ARRDC3: variants seen among roughly 807,000 people sequenced by gnomAD.
ARRDC3 encodes arrestin domain containing 3, also known as arrestin domain-containing protein 3.
In ARRDC3, 10 loss-of-function variants were observed where a neutral mutation model predicts 47.2. The ratio of observed to expected loss-of-function variants is 0.21; its 90% CI spans 0.13 to 0.36. The LOEUF (loss-of-function observed/expected upper bound fraction) is 0.36. ARRDC3 is among the 10% of genes least tolerant of loss of function. ARRDC3 has a pLI of 1.00. For synonymous variants in ARRDC3, 156 were observed against 178.3 expected, an observed-to-expected ratio of 0.87 and a Z score of 1.00; for missense variants, 381 against 503.6, an observed-to-expected ratio of 0.76 and a Z score of 2.33.
At position 91,370,811 on chromosome 5, in the gene ARRDC3, A is replaced by C. The variant is rs1373162880; in HGVS notation, c.*589T>G. 2 of 152,482 alleles carry C rather than the reference A, an allele frequency of 1.3e-5. No homozygotes were observed. The highest frequency in any genetic ancestry group is 2.9e-5 in the Non-Finnish European group (2 of 68,016). The allele number at this position is 152,482 out of a possible 1,614,324, so 9.4% of individuals were successfully genotyped here. A position where few individuals can be genotyped will look rare whatever the true frequency, so the allele number is the denominator to read the frequency against. The stretch of plus-strand genomic sequence containing the variant: ...TGTAAATAAATCCACAATTGGATCC[A>C]AGCTGAAGAGGTGATACATAGTCAG... On this transcript the variant is annotated 3_prime_UTR_variant, in exon 8 of 8. Transcript: ENST00000265138.
At chr5:91,373,546 A>T in intron 7 of ARRDC3, 138 bp downstream of exon 7, 1 of 902,660 alleles carries the variant, frequency 1.1e-6, no homozygotes, top group Admixed American at 2.4e-5. Flanking sequence ...CCTAATATTA[A>T]CTTTTAATCT....
At chr5:91,372,602 AAAAT>A (rs1799202574) in intron 7 of ARRDC3, among the ~76,000 whole-genome samples, 3 of 152,326 alleles carry the variant, frequency 2.0e-5, no homozygotes, top group Non-Finnish European at 2.9e-5. Flanking sequence ...TATGTATTAG[AAAAT>A]AAATAGAAAA....
At chr5:91,380,205 CCTGCCCGCGCGCCGCCGCCGCCGCCGCTG>C (rs1799415054) in intron 1 of ARRDC3, 2 of 164,116 alleles carry the variant, frequency 1.2e-5, no homozygotes, top group Non-Finnish European at 1.3e-5. Flanking sequence ...TCCCAGCCGG[CCTGCCCGCGCGCCGCCGCCGCCGCCGCTG>C]CCGCCCGCGC....
rs2127064163 is a variant in ARRDC3, at chr5:91,370,408, T to C, written c.*992A>G. 6.5e-6 allele frequency: 1 copy of C among 152,680 alleles called. No individual in the cohort carries two copies. Among genetic ancestry groups the C allele is most frequent in the Middle Eastern group, 3.4e-3 (1 of 294 alleles). The allele number at this position is 152,680 out of a possible 1,614,324, so 9.5% of individuals were successfully genotyped here. A position where few individuals can be genotyped will look rare whatever the true frequency, so the allele number is the denominator to read the frequency against. ...GCTAGTTTCTTCTTGTATGTCATGA[T>C]AAAAAGGGAATGTGGGTGTGTAACT... On this transcript the variant is annotated 3_prime_UTR_variant, in exon 8 of 8. Coordinates refer to ENST00000265138, the MANE Select transcript of ARRDC3 (RefSeq NM_020801.4).
At position 91,378,188 on chromosome 5, in the gene ARRDC3, G is replaced by A. The variant is rs537767439; in HGVS notation, c.362+506C>T. Among the ~76,000 whole-genome samples the A allele has an allele frequency of 3.3e-5, 5 of 151,886 alleles. No homozygotes were observed. In the East Asian group the frequency reaches 7.7e-4, roughly 23 times the overall value. On this transcript the variant is annotated intron_variant, in intron 2 of 7. Transcript: ENST00000265138. The stretch of plus-strand genomic sequence containing the variant: ...TGTGTGACCTTCCCAATAGTTCTTT[G>A]TACAGAAGCTATTAAGTTCATATCA...
chr5:91,374,897 A>C, intron 5 of ARRDC3, 25 bp downstream of exon 5: 1 of 1,604,028 alleles, frequency 6.2e-7, no homozygotes, highest in East Asian at 2.2e-5. Context: ...AAAGAAAGGA[A>C]AAAACCTCTT....
chr5:91,378,559 T>C lies in ARRDC3; in HGVS notation c.362+135A>G, dbSNP rs889307430. ...ATAGCTTCTTATGTTTAATATATTG[T>C]TTTCCTCTAGCAAGTTTCAGTAATG... On this transcript the variant is annotated intron_variant, in intron 2 of 7. Transcript: ENST00000265138. 4 of 588,838 alleles carry C rather than the reference T, an allele frequency of 6.8e-6. No individual in the cohort carries two copies. In the African/African-American group the frequency reaches 8.0e-5, roughly 12 times the overall value. 36.5% of individuals were successfully genotyped at this position (588,838 alleles called of 1,614,324 possible).
intron 7 of ARRDC3, among the ~76,000 whole-genome samples, chr5:91,371,871 G>A (rs1159979911): frequency 6.6e-6 from 1 of 152,144 alleles, no homozygotes; most frequent in Non-Finnish European, 1.5e-5. Flanking sequence ...CTACAAAAAA[G>A]TTAACTCATC....
chr5:91,383,058 CTT>C lies in ARRDC3; in HGVS notation c.33_34del (p.Ile11MetfsTer3). The C allele has an allele frequency of 6.2e-7, 1 of 1,612,798 alleles. No individual in the cohort carries two copies. Among genetic ancestry groups the C allele is most frequent in the South Asian group, 1.1e-5 (1 of 90,982 alleles). On this transcript the variant is annotated frameshift_variant, in exon 1 of 8. Coordinates refer to ENST00000265138, the MANE Select transcript of ARRDC3 (RefSeq NM_020801.4). LOFTEE classifies it high-confidence loss of function. ...ATTGCTGTCATTAAGACAGTCAAAG[CTT>C]ATTGTCAAACTCTTCACCTTTCCCA...
rs1050512119 is a variant in ARRDC3 at position 91,370,721 on chromosome 5, C to T, written c.*679G>A. On this transcript the variant is annotated 3_prime_UTR_variant, in exon 8 of 8. Transcript: ENST00000265138. Reference sequence around the variant, plus strand: ...TCTTTTTTTCCCACATTATCTGTTGCGTATCTACTACAGTAGGCTGCAAAA... The same window carrying T: ...TCTTTTTTTCCCACATTATCTGTTGTGTATCTACTACAGTAGGCTGCAAAA... 2.6e-5 allele frequency: 4 copies of T among 152,508 alleles called. No homozygotes were observed. Among genetic ancestry groups the T allele is most frequent in the South Asian group, 2.1e-4 (1 of 4,818 alleles). The allele number at this position is 152,508 out of a possible 1,614,324, so 9.4% of individuals were successfully genotyped here.
At position 91,383,134 on chromosome 5, in the gene ARRDC3, A is replaced by G. The variant is rs1799487042; in HGVS notation, c.-42T>C. 6.6e-7 allele frequency: 1 copy of G among 1,521,772 alleles called. No homozygotes were observed. The allele number at this position is 1,521,772 out of a possible 1,614,324, so 94.3% of individuals were successfully genotyped here. On this transcript the variant is annotated 5_prime_UTR_variant, in exon 1 of 8. Transcript: ENST00000265138. ...ATAAAAATATAATGTAAGACAAAAA[A>G]GTCAAGATCGCATATAAAATGTGAT... is the stretch of plus-strand genomic sequence containing the variant.
chr5:91,380,470 T>G (rs1338669498), intron 1 of ARRDC3: 6 of 151,546 alleles, frequency 4.0e-5, no homozygotes, highest in African/African-American at 1.5e-4. Context: ...CGGAAAACGA[T>G]GGGGGAGGGG....
rs986181485 is a variant in ARRDC3, at chr5:91,371,353, A to G, written c.*47T>C. The G allele has an allele frequency of 6.6e-7, 1 of 1,508,772 alleles. No homozygotes were observed. The highest frequency in any genetic ancestry group is 1.4e-5 in the African/African-American group (1 of 72,482). 93.5% of individuals were successfully genotyped at this position (1,508,772 alleles called of 1,614,324 possible). On this transcript the variant is annotated 3_prime_UTR_variant, in exon 8 of 8. Transcript: ENST00000265138. ...ATACTTCTCTGTCCTCAGCCGGAAG[A>G]GATACAGTTCGGAACCCACATCAAC...
At chr5:91,374,868 A>G in intron 5 of ARRDC3, 54 bp downstream of exon 5, 1 of 1,560,254 alleles carries the variant, frequency 6.4e-7, no homozygotes, top group Non-Finnish European at 8.8e-7. Context: ...CCTGGGTGAC[A>G]GGTGTTTCAA....
Position 91,375,233 on chromosome 5 carries a change from G to A in ARRDC3, c.614-55C>T, listed in dbSNP as rs1799273833. The A allele has an allele frequency of 2.6e-6, 4 of 1,542,542 alleles. No individual in the cohort carries two copies. The Middle Eastern group carries it at 5.2e-4, about 200-fold the overall frequency. On this transcript the variant is annotated intron_variant, in intron 4 of 7. Transcript: ENST00000265138. ...CTGTTAGAAAAAAACAACAAAAGAA[G>A]TCAAGATTCTTAAAGCTAAAGTAAG...
chr5:91,383,019 G>C lies in ARRDC3; in HGVS notation c.74C>G (p.Ser25Cys), dbSNP rs1799484513. 1 of 1,613,918 alleles carries C rather than the reference G, an allele frequency of 6.2e-7. No homozygotes were observed. Among genetic ancestry groups the C allele is most frequent in the East Asian group, 2.2e-5 (1 of 44,876 alleles). ...CLNDSNVPVY[S>C]SGDTVSGRVN... ...CCTTCCTGAGACGGTATCCCCACTA[G>C]AATACACAGGGACATTGCTGTCATT... The change falls in exon 1 of 8, where the codon TCT (serine) becomes TGT (cysteine). Residue 25 changes from serine to cysteine, a missense_variant. Coordinates refer to ENST00000265138, the MANE Select transcript of ARRDC3 (RefSeq NM_020801.4).
At chr5:91,375,655 TG>T in intron 3 of ARRDC3, 42 bp from the exon 4 acceptor site, 19 of 1,351,342 alleles carry the variant, frequency 1.4e-5, no homozygotes, top group Non-Finnish European at 1.9e-5. Context: ...GTGTATGGAT[TG>T]GTACAATCAA....
At chr5:91,380,046 T>C (rs536232135) in intron 1 of ARRDC3, 2 of 152,342 alleles carry the variant, frequency 1.3e-5, no homozygotes, top group South Asian at 4.1e-4. Flanking sequence ...TTCCTTTCCC[T>C]TTCTTCCCTC....
At chr5:91,382,302 GA>G (rs1178649265) in intron 1 of ARRDC3, among the ~76,000 whole-genome samples, 1 of 152,158 alleles carries the variant, frequency 6.6e-6, no homozygotes, top group Non-Finnish European at 1.5e-5. Flanking sequence ...ATAAGCCACA[GA>G]AATCTTTTAT....
Sources: gnomAD v4.1 joint callset for allele counts (sites outside exome capture counted in the v4.1 genomes callset) on GRCh38, gnomAD v4.1.1 for gene constraint, MANE v1.5 for transcripts, NCBI Gene and HGNC (gene_info 2026-07-23, HGNC 2026-07-21) for gene names.